IL1RAPL1: variants seen among roughly 807,000 people sequenced by gnomAD.
The protein encoded by IL1RAPL1 is interleukin 1 receptor accessory protein like 1.
Under a neutral mutation model 48.4 loss-of-function variants are expected in IL1RAPL1, and 3 were observed. That is an observed-to-expected ratio of 0.06 (90% confidence interval 0.03 to 0.16). The LOEUF (loss-of-function observed/expected upper bound fraction) is 0.16. Among genes scored for constraint, IL1RAPL1 ranks in the 10% least tolerant of loss-of-function variants. IL1RAPL1 has a pLI of 1.00. For synonymous variants in IL1RAPL1, 185 were observed against 187.7 expected (o/e 0.99, Z 0.12); for missense variants, 349 against 530.6 (o/e 0.66, Z 3.36).
intron 5 of IL1RAPL1, among the ~76,000 whole-genome samples, chrX:29,443,367 C>T (rs989093296): frequency 6.3e-5 from 7 of 110,856 alleles, no homozygotes; most frequent in Non-Finnish European, 1.1e-4. Flanking sequence ...CTCTATATAA[C>T]TCTTTTACAA....
chrX:28,904,896 C>A (rs1025602352), intron 2 of IL1RAPL1, among the ~76,000 whole-genome samples: 1 of 111,770 alleles, frequency 8.9e-6, no homozygotes, highest in Non-Finnish European at 1.9e-5. Context: ...TTAATACTTA[C>A]CATTTAAGTA....
intron 5 of IL1RAPL1, among the ~76,000 whole-genome samples, chrX:29,430,976 A>G (rs942572085): frequency 1.8e-5 from 2 of 111,265 alleles, no homozygotes; most frequent in African/African-American, 6.5e-5. Context: ...ATTAAAATAA[A>G]TATCTGCGTG....
intron 5 of IL1RAPL1, among the ~76,000 whole-genome samples, chrX:29,471,950 G>A (rs185638228): frequency 4.1e-4 from 46 of 111,578 alleles, no homozygotes; most frequent in Middle Eastern, 4.6e-3. Context: ...TCAGTTGATG[G>A]AAATTTACAA....
At chrX:28,711,825 A>G (rs1022376440) in intron 1 of IL1RAPL1, among the ~76,000 whole-genome samples, 3 of 109,429 alleles carry the variant, frequency 2.7e-5, no homozygotes, top group Non-Finnish European at 5.7e-5. Context: ...CTGGAATTTA[A>G]AAATATGTGA....
intron 5 of IL1RAPL1, among the ~76,000 whole-genome samples, chrX:29,478,627 C>T (rs1935003656): frequency 9.0e-6 from 1 of 111,376 alleles, no homozygotes; most frequent in Non-Finnish European, 1.9e-5. Flanking sequence ...GGAGACTCTG[C>T]AGACTTAACC....
chrX:29,192,878 G>T (rs958586061), intron 2 of IL1RAPL1, among the ~76,000 whole-genome samples: 3 of 111,304 alleles, frequency 2.7e-5, no homozygotes, highest in African/African-American at 9.7e-5. Flanking sequence ...TAGGAAGTAT[G>T]TTAGTACTAA....
At chrX:29,923,958 T>C (rs1184711605) in intron 8 of IL1RAPL1, among the ~76,000 whole-genome samples, 1 of 111,899 alleles carries the variant, frequency 8.9e-6, no homozygotes, top group Non-Finnish European at 1.9e-5. Flanking sequence ...ATTATCTTAA[T>C]GGTTAAGAGC....
intron 2 of IL1RAPL1, among the ~76,000 whole-genome samples, chrX:28,851,031 A>G (rs1262478148): frequency 9.4e-6 from 1 of 105,832 alleles, no homozygotes; most frequent in African/African-American, 3.5e-5. Flanking sequence ...ACTCTTTACT[A>G]GGTCCACTAC....
chrX:29,279,060 T>A (rs1450823513), intron 2 of IL1RAPL1, among the ~76,000 whole-genome samples: 1 of 112,027 alleles, frequency 8.9e-6, no homozygotes, highest in Non-Finnish European at 1.9e-5. Context: ...AGGAAAAAAA[T>A]ATATCTCCTT....
At chrX:29,625,161 C>A (rs778162229) in intron 5 of IL1RAPL1, among the ~76,000 whole-genome samples, 34 of 111,765 alleles carry the variant, frequency 3.0e-4, no homozygotes, top group South Asian at 1.5e-3. Flanking sequence ...TTGACCCCTG[C>A]CCTAATAAAT....
At chrX:29,825,319 C>T (rs1289583809) in intron 6 of IL1RAPL1, among the ~76,000 whole-genome samples, 2 of 111,107 alleles carry the variant, frequency 1.8e-5, no homozygotes, top group Non-Finnish European at 3.8e-5. Flanking sequence ...CCCTGCCCAT[C>T]TTATTTGGTC....
At chrX:29,784,674 T>G in intron 6 of IL1RAPL1, among the ~76,000 whole-genome samples, 1 of 76,443 alleles carries the variant, frequency 1.3e-5, no homozygotes, top group East Asian at 6.0e-4. Flanking sequence ...TGGATTTTCT[T>G]ATTATCTTAA....
intron 2 of IL1RAPL1, among the ~76,000 whole-genome samples, chrX:29,226,969 C>T (rs1403430034): frequency 9.9e-6 from 1 of 101,455 alleles, no homozygotes; most frequent in African/African-American, 3.4e-5. Flanking sequence ...AACTAATATT[C>T]CTAATTGCAT....
At chrX:29,941,269 T>C (rs1013829863) in intron 8 of IL1RAPL1, among the ~76,000 whole-genome samples, 1 of 111,145 alleles carries the variant, frequency 9.0e-6, no homozygotes, top group Non-Finnish European at 1.9e-5. Context: ...ATCAACCCCA[T>C]AAGCATAGCT....
chrX:29,852,574 G>A (rs1472172766), intron 6 of IL1RAPL1, among the ~76,000 whole-genome samples: 3 of 112,145 alleles, frequency 2.7e-5, no homozygotes, highest in Non-Finnish European at 5.6e-5. Context: ...ATTCATGACA[G>A]TTAGTCTCCT....
intron 1 of IL1RAPL1, among the ~76,000 whole-genome samples, chrX:28,673,401 C>T (rs1367303321): frequency 8.9e-6 from 1 of 111,977 alleles, no homozygotes; most frequent in Non-Finnish European, 1.9e-5. Context: ...CCCTGGAAGA[C>T]AACCTAGGCA....
intron 6 of IL1RAPL1, among the ~76,000 whole-genome samples, chrX:29,703,510 T>A (rs2147116749): frequency 9.1e-6 from 1 of 110,491 alleles, no homozygotes; most frequent in African/African-American, 3.3e-5. Context: ...GCCCTGCTAA[T>A]TTTTTGTATT....
rs917837398 is a variant in IL1RAPL1 at position 29,824,460 on chromosome X, A to G, written c.779-93004A>G. Among the ~76,000 whole-genome samples the G allele has an allele frequency of 3.6e-5, 4 of 111,408 alleles. No homozygotes were observed. In the Admixed American group the frequency reaches 3.8e-4, roughly 11 times the overall value. ...TACAGCAGGGTAAATGATCTAATTT[A>G]TAGTATGTGCTGAGATATTTCTAAA... On this transcript the variant is annotated intron_variant, in intron 6 of 10. Coordinates refer to ENST00000378993, the MANE Select transcript of IL1RAPL1 (RefSeq NM_014271.4).
At position 28,867,695 on chromosome X, in the gene IL1RAPL1, T is replaced by C. The variant is rs1176076060; in HGVS notation, c.82+78270T>C. ...AGTTTCTCTCAACATAGGCCACTGT[T>C]CTGATGGACACATGGCATATAGGGA... is the stretch of plus-strand genomic sequence containing the variant. On this transcript the variant is annotated intron_variant, in intron 2 of 10. Transcript: ENST00000378993. 2.7e-5 allele frequency among the ~76,000 whole-genome samples: 3 copies of C among 112,008 alleles called. No homozygotes were observed. In the East Asian group the frequency reaches 8.4e-4, roughly 31 times the overall value.
Sources: gnomAD v4.1 joint callset for allele counts (sites outside exome capture counted in the v4.1 genomes callset) on GRCh38, gnomAD v4.1.1 for gene constraint, MANE v1.5 for transcripts, NCBI Gene and HGNC (gene_info 2026-07-23, HGNC 2026-07-21) for gene names.